The following RSRC1 variants were observed in gnomAD, a reference collection of about 807,000 sequenced individuals.
RSRC1 encodes arginine and serine rich coiled-coil 1.
In RSRC1, 39 loss-of-function variants were observed where a neutral mutation model predicts 49.1. That is an observed-to-expected ratio of 0.79 (90% confidence interval 0.61 to 1.04). RSRC1 has a LOEUF of 1.04. Ranked by LOEUF, RSRC1 falls within the 50% of genes least tolerant of loss-of-function variation. RSRC1 has a pLI of 0.00. For synonymous variants in RSRC1, 143 were observed against 130.8 expected (o/e 1.09, Z -0.63); for missense variants, 388 against 402.4 (o/e 0.96, Z 0.31).
intron 5 of RSRC1, chr3:158,336,888 G>A (rs563482977): frequency 3.9e-5 from 6 of 152,246 alleles, no homozygotes; most frequent in Non-Finnish European, 7.3e-5. Flanking sequence ...GACTTTCCAC[G>A]TTACATATCC....
intron 3 of RSRC1, among the ~76,000 whole-genome samples, chr3:158,165,367 AGCATCATT>A (rs1185730806): frequency 6.6e-6 from 1 of 152,226 alleles, no homozygotes; most frequent in Non-Finnish European, 1.5e-5. Context: ...ATCGTTAATA[AGCATCATT>A]GCATCGTTAT....
At chr3:158,528,916 T>C (rs1286007728) in intron 7 of RSRC1, among the ~76,000 whole-genome samples, 1 of 151,840 alleles carries the variant, frequency 6.6e-6, no homozygotes, top group Non-Finnish European at 1.5e-5. Flanking sequence ...ACCAAATTCA[T>C]GGAAACCATT....
At chr3:158,439,164 A>G (rs1225170966) in intron 6 of RSRC1, among the ~76,000 whole-genome samples, 2 of 152,152 alleles carry the variant, frequency 1.3e-5, no homozygotes, top group East Asian at 3.9e-4. Context: ...TCAGGAAACA[A>G]CAGGTGCTGG....
At chr3:158,295,718 CA>C (rs1170735569) in intron 4 of RSRC1, among the ~76,000 whole-genome samples, 2 of 152,044 alleles carry the variant, frequency 1.3e-5, no homozygotes, top group African/African-American at 4.8e-5. Context: ...CCATGCCATT[CA>C]AAACATTTTA....
chr3:158,273,245 A>C lies in RSRC1; in HGVS notation c.495-24794A>C, dbSNP rs116979744. ...TATTATTGGAGGGTTAATATAGTTA[A>C]AACTTGCATATTCCATTTAGTATTA... is the stretch of plus-strand genomic sequence containing the variant. On this transcript the variant is annotated intron_variant, in intron 4 of 9. Transcript: ENST00000611884. Among the ~76,000 whole-genome samples the C allele has an allele frequency of 8.3e-4, 127 of 152,216 alleles. No homozygotes were observed. In the East Asian group the frequency reaches 0.021, roughly 25 times the overall value.
At chr3:158,372,327 A>G (rs139157382) in intron 6 of RSRC1, among the ~76,000 whole-genome samples, 83 of 152,016 alleles carry the variant, frequency 5.5e-4, no homozygotes, top group African/African-American at 1.9e-3. Context: ...ATTAATGTTT[A>G]TATATGATGA....
At chr3:158,510,541 T>C (rs903849301) in intron 7 of RSRC1, among the ~76,000 whole-genome samples, 5 of 152,186 alleles carry the variant, frequency 3.3e-5, no homozygotes, top group African/African-American at 7.2e-5. Context: ...ATAGTAGGTG[T>C]ATAAATTTAT....
At chr3:158,295,590 A>C (rs1288153140) in intron 4 of RSRC1, among the ~76,000 whole-genome samples, 1 of 152,246 alleles carries the variant, frequency 6.6e-6, no homozygotes, top group East Asian at 1.9e-4. Context: ...AGAAATAGTT[A>C]GATCTAATGA....
At chr3:158,524,407 C>A (rs961246012) in intron 7 of RSRC1, among the ~76,000 whole-genome samples, 2 of 152,004 alleles carry the variant, frequency 1.3e-5, no homozygotes, top group African/African-American at 4.8e-5. Context: ...CTGCTGATTT[C>A]TTTGGGGCAT....
At chr3:158,180,398 T>C (rs1388889401) in intron 3 of RSRC1, among the ~76,000 whole-genome samples, 50 of 92,526 alleles carry the variant, frequency 5.4e-4, no homozygotes, top group African/African-American at 2.2e-3. Context: ...AGGTTCTTTT[T>C]TTTTTTTTTT....
chr3:158,127,469 C>G (rs991844899), intron 3 of RSRC1, among the ~76,000 whole-genome samples: 23 of 151,820 alleles, frequency 1.5e-4, no homozygotes, highest in African/African-American at 4.8e-4. Context: ...CTGAACCTCT[C>G]TAGTGAATTT....
intron 6 of RSRC1, among the ~76,000 whole-genome samples, chr3:158,406,454 A>G (rs899833360): frequency 6.6e-6 from 1 of 152,098 alleles, no homozygotes; most frequent in East Asian, 1.9e-4. Context: ...AAAATTCTTA[A>G]GGTAATTGGT....
chr3:158,545,219 T>TTTTTTTG lies in RSRC1; in HGVS notation c.*944_*945insTTTTTTG, dbSNP rs1713277717. On this transcript the variant is annotated 3_prime_UTR_variant, in exon 10 of 10. Transcript: ENST00000611884. The stretch of plus-strand genomic sequence containing the variant: ...TTTTTTTTTTTTTTTTTTTTTTTTT[T>TTTTTTTG]GAGACGGAGTCTCGCTCTATCCCCC... 1 of 138,836 alleles carries TTTTTTTG rather than the reference T, an allele frequency of 7.2e-6. No homozygotes were observed. The highest frequency in any genetic ancestry group is 7.3e-5 in the Admixed American group (1 of 13,774). The allele number at this position is 138,836 out of a possible 1,614,324, so 8.6% of individuals were successfully genotyped here.
At chr3:158,215,959 CT>C (rs1721922353) in intron 4 of RSRC1, among the ~76,000 whole-genome samples, 1 of 151,474 alleles carries the variant, frequency 6.6e-6, no homozygotes, top group Non-Finnish European at 1.5e-5. Flanking sequence ...TATTTTTCAT[CT>C]TTGAGCTTCT....
intron 6 of RSRC1, among the ~76,000 whole-genome samples, chr3:158,453,009 T>C (rs1737125964): frequency 6.6e-6 from 1 of 152,230 alleles, no homozygotes; most frequent in African/African-American, 2.4e-5. Context: ...ATGCTACATA[T>C]GGTTATTTAA....
intron 1 of RSRC1, 125 bp downstream of exon 1, chr3:158,110,348 T>G (rs1714286912): frequency 6.6e-6 from 1 of 152,470 alleles, no homozygotes; most frequent in Non-Finnish European, 1.5e-5. Flanking sequence ...GAGGGTGGGC[T>G]GCGGCCTCGG....
At chr3:158,367,973 T>TTTTTAA (rs1202249825) in intron 6 of RSRC1, among the ~76,000 whole-genome samples, 3 of 152,172 alleles carry the variant, frequency 2.0e-5, no homozygotes, top group African/African-American at 7.2e-5. Flanking sequence ...AAGTGTAAGT[T>TTTTTAA]GTTTGTTTTA....
At chr3:158,480,591 A>AT (rs1738570523) in intron 7 of RSRC1, among the ~76,000 whole-genome samples, 1 of 151,986 alleles carries the variant, frequency 6.6e-6, no homozygotes, top group African/African-American at 2.4e-5. Flanking sequence ...AGTAACTGAC[A>AT]TTTGGACATA....
In RSRC1 at chr3:158,388,440, G is replaced by A. The variant is rs566381294; in HGVS notation, c.583+33532G>A. Among the ~76,000 whole-genome samples the A allele has an allele frequency of 1.9e-4, 29 of 152,070 alleles. No homozygotes were observed. In the South Asian group the frequency reaches 6.0e-3, roughly 31 times the overall value. On this transcript the variant is annotated intron_variant, in intron 6 of 9. Coordinates refer to ENST00000611884, the MANE Select transcript of RSRC1 (RefSeq NM_001271838.2). Reference sequence around the variant, plus strand: ...TACTCTTATGAAATGAGCAGTGCATGTACTAATATTCCCATTTTAAACATG... The same window carrying A: ...TACTCTTATGAAATGAGCAGTGCATATACTAATATTCCCATTTTAAACATG...
Sources: gnomAD v4.1 joint callset for allele counts (sites outside exome capture counted in the v4.1 genomes callset) on GRCh38, gnomAD v4.1.1 for gene constraint, MANE v1.5 for transcripts, NCBI Gene and HGNC (gene_info 2026-07-23, HGNC 2026-07-21) for gene names.